The following NCOR1 variants were observed in gnomAD, a reference collection of about 807,000 sequenced individuals.
NCOR1 encodes nuclear receptor corepressor 1.
A neutral mutation model predicts 288.1 loss-of-function variants in NCOR1; 63 were observed. That is an observed-to-expected ratio of 0.22 (90% CI 0.18 to 0.27). NCOR1 has a LOEUF of 0.27. Among genes scored for constraint, NCOR1 ranks in the 10% least tolerant of loss-of-function variants. NCOR1 has a pLI of 1.00. For synonymous variants in NCOR1, 1,007 were observed against 1,065.9 expected, an observed-to-expected ratio of 0.94 and a Z score of 1.08; for missense variants, 2,397 against 3,019.2, an observed-to-expected ratio of 0.79 and a Z score of 4.83.
intron 11 of NCOR1, among the ~76,000 whole-genome samples, chr17:16,142,310 A>G (rs888938955): frequency 6.6e-6 from 1 of 152,226 alleles, no homozygotes; most frequent in Non-Finnish European, 1.5e-5. Context: ...ATCGAGTATT[A>G]ACTGTATATT....
intron 5 of NCOR1, among the ~76,000 whole-genome samples, chr17:16,164,498 G>A (rs1185746881): frequency 6.6e-6 from 1 of 151,956 alleles, no homozygotes; most frequent in South Asian, 2.1e-4. Context: ...CCACAGAGAA[G>A]ACTATTTCAT....
chr17:16,185,512 C>T (rs965376944), intron 3 of NCOR1, among the ~76,000 whole-genome samples: 1 of 151,536 alleles, frequency 6.6e-6, no homozygotes, highest in Admixed American at 6.6e-5. Context: ...GGCAAAACCC[C>T]ATCTCTACTA....
At chr17:16,192,827 G>A (rs1238487686) in intron 2 of NCOR1, among the ~76,000 whole-genome samples, 1 of 152,086 alleles carries the variant, frequency 6.6e-6, no homozygotes, top group Non-Finnish European at 1.5e-5. Context: ...TAGGTGATTG[G>A]ATAAACAAAT....
At chr17:16,144,816 C>T (rs534949029) in intron 10 of NCOR1, among the ~76,000 whole-genome samples, 1 of 151,736 alleles carries the variant, frequency 6.6e-6, no homozygotes, top group East Asian at 1.9e-4. Context: ...CTCTCTCCTT[C>T]TCCCGCTTTC....
intron 7 of NCOR1, 105 bp downstream of exon 7, chr17:16,153,234 T>C: frequency 2.6e-6 from 2 of 775,382 alleles, no homozygotes; most frequent in South Asian, 3.8e-5. Flanking sequence ...CTCAGCTACA[T>C]CTCTCTTATC....
intron 35 of NCOR1, 74 bp downstream of exon 35, chr17:16,063,994 G>A: frequency 1.4e-6 from 2 of 1,452,584 alleles, no homozygotes; most frequent in South Asian, 1.5e-5. Flanking sequence ...AACTTTTTGT[G>A]CGCAGCATTA....
rs780207196 is a variant in NCOR1, at chr17:16,080,687, G to A, written c.3218C>T (p.Ser1073Phe). ...CGGCTTGGGTGTTTCTTGAGTGTAG[G>A]AAGCCTGATTATGAGAAGTCAAATA... ...GTYLTSHNQA[S>F]YTQETPKPSV... The change falls in exon 24 of 46, where the codon TCC becomes TTC. Residue 1073 changes from serine (S) to phenylalanine (F), a missense_variant. This residue lies in a region of NCOR1 where 1,872 missense variants were observed against 2,187.8 expected (regional missense o/e 0.86). Coordinates refer to ENST00000268712, the MANE Select transcript of NCOR1 (RefSeq NM_006311.4). The A allele has an allele frequency of 1.5e-5, 25 of 1,613,818 alleles. 1 individual carries two copies. The Middle Eastern group carries it at 5.0e-4, about 32-fold the overall frequency.
intron 1 of NCOR1, among the ~76,000 whole-genome samples, chr17:16,212,271 GA>G (rs113134967): frequency 7.2e-6 from 1 of 138,444 alleles, no homozygotes. Context: ...TGTCTCAAAG[GA>G]AAAAAAAAGA....
intron 14 of NCOR1, among the ~76,000 whole-genome samples, chr17:16,131,762 C>T (rs558615154): frequency 6.6e-6 from 1 of 152,308 alleles, no homozygotes; most frequent in South Asian, 2.1e-4. Flanking sequence ...AGAGTGAAAG[C>T]TGTCAATCAC....
At position 16,084,892 on chromosome 17, in the gene NCOR1, A is replaced by G. The variant is rs539114163; in HGVS notation, c.3177+1390T>C. The stretch of plus-strand genomic sequence containing the variant: ...ACAGGCGAATATCTCACAACCTTGG[A>G]GCAGGCCAAGATTTCTTAGCAAAAT... On this transcript the variant is annotated intron_variant, in intron 23 of 45. Coordinates refer to ENST00000268712, the MANE Select transcript of NCOR1 (RefSeq NM_006311.4). 2.0e-5 allele frequency among the ~76,000 whole-genome samples: 3 copies of G among 152,326 alleles called. No individual in the cohort carries two copies. The South Asian group carries it at 6.2e-4, about 32-fold the overall frequency.
At chr17:16,048,157 C>T (rs11651290) in intron 41 of NCOR1, among the ~76,000 whole-genome samples, 65,249 of 152,110 alleles carry the variant, frequency 0.43, 15,673 homozygotes, top group Middle Eastern at 0.57. Flanking sequence ...TGGCTTTCAG[C>T]GCATCAGTGG....
chr17:16,039,454 C>A lies in NCOR1; in HGVS notation c.6934G>T (p.Gly2312Trp), dbSNP rs781496676. 6.2e-7 allele frequency: 1 copy of A among 1,614,048 alleles called. No individual in the cohort carries two copies. The highest frequency in any genetic ancestry group is 2.2e-5 in the East Asian group (1 of 44,878). The part of the protein sequence containing the change: ...VTSGETRREE[G>W]DPSPHSGGVC... ...GTACCTGAATGAGGTGATGGGTCCC[C>A]TTCCTCTCTTCGTGTCTCACCACTG... Residue 2312 changes from glycine to tryptophan, a missense_variant, in exon 44 of 46, where the codon GGG becomes TGG. Transcript: ENST00000268712.
chr17:16,165,328 C>T (rs1027843424), intron 4 of NCOR1, among the ~76,000 whole-genome samples, 167 bp from the exon 5 acceptor site: 5 of 152,190 alleles, frequency 3.3e-5, no homozygotes, highest in African/African-American at 1.2e-4. Flanking sequence ...ATTCTCACCT[C>T]ACTTTTATAG....
chr17:16,175,829 T>A (rs556538040), intron 3 of NCOR1, among the ~76,000 whole-genome samples: 1,223 of 113,630 alleles, frequency 0.011, 11 homozygotes, highest in Non-Finnish European at 0.018. Flanking sequence ...AGACTTTGTC[T>A]CTTTTAAAAA....
In NCOR1 at chr17:16,171,942, A is replaced by G; in HGVS notation, c.296T>C (p.Val99Ala). Residue 99 changes from valine to alanine, a missense_variant, in exon 4 of 46, where the codon GTG (valine) becomes GCG (alanine). Val to Ala is a moderately conservative substitution (Grantham distance 64). This residue lies in a region of NCOR1 where 110 missense variants were observed against 123.2 expected (regional missense o/e 0.89). Coordinates refer to ENST00000268712, the MANE Select transcript of NCOR1 (RefSeq NM_006311.4). Reference sequence around the variant, plus strand: ...CTTCGATTCCAGTGAATCATGATCCACTGGGGATGGGCCTGGATGAAACGG... The same window carrying G: ...CTTCGATTCCAGTGAATCATGATCCGCTGGGGATGGGCCTGGATGAAACGG... ...YEPFHPGPSPVDHDSLESKRP... is the reference protein window; with the variant it reads ...YEPFHPGPSPADHDSLESKRP... 3 of 1,610,832 alleles carry G rather than the reference A, an allele frequency of 1.9e-6. No individual in the cohort carries two copies. The highest frequency in any genetic ancestry group is 2.2e-5 in the South Asian group (2 of 90,590).
intron 18 of NCOR1, among the ~76,000 whole-genome samples, chr17:16,114,129 A>G (rs1320834679): frequency 1.5e-5 from 2 of 130,792 alleles, no homozygotes; most frequent in Non-Finnish European, 3.2e-5. Flanking sequence ...AACGTCTTAC[A>G]TGATGGCGGC....
At chr17:16,138,354 G>A (rs914061005) in intron 12 of NCOR1, 142 bp from the exon 13 acceptor site, 8 of 643,054 alleles carry the variant, frequency 1.2e-5, no homozygotes, top group African/African-American at 1.9e-5. Context: ...GGAGGCCGAA[G>A]AAGGTGGATC....
At chr17:16,070,050 T>C in intron 31 of NCOR1, 115 bp downstream of exon 31, 2 of 1,330,796 alleles carry the variant, frequency 1.5e-6, no homozygotes, top group East Asian at 2.3e-5. Flanking sequence ...GCAAGACCTG[T>C]AGATCTTGGG....
intron 22 of NCOR1, 153 bp downstream of exon 22, chr17:16,091,710 G>A: frequency 1.4e-6 from 2 of 1,463,040 alleles, no homozygotes; most frequent in African/African-American, 1.4e-5. Flanking sequence ...TTTCTTCATA[G>A]TTTAAGGTCA....
Sources: allele counts gnomAD v4.1 joint callset (sites outside exome capture counted in the v4.1 genomes callset), GRCh38; gene constraint gnomAD v4.1.1; regional missense constraint gnomAD v4.1.1; transcripts MANE v1.5; gene names NCBI Gene and HGNC (gene_info 2026-07-23, HGNC 2026-07-21).